Variants in CD2AP observed in about 807,000 individuals in gnomAD.
CD2AP encodes CD2 associated protein.
CD2AP carries 46 observed loss-of-function variants against 85.1 expected under a neutral mutation model. The observed-to-expected ratio is 0.54, with a 90% CI of 0.43 to 0.69. The LOEUF is 0.69. Ranked by LOEUF, CD2AP falls within the 30% of genes least tolerant of loss-of-function variation. The pLI is 0.00. For missense variants in CD2AP, 769 were observed against 729.5 expected (o/e 1.05, Z -0.62); for synonymous variants, 255 against 252.9 (o/e 1.01, Z -0.08).
chr6:47,497,925 A>G (rs772264955), intron 1 of CD2AP, among the ~76,000 whole-genome samples: 1 of 152,154 alleles, frequency 6.6e-6, no homozygotes, highest in Non-Finnish European at 1.5e-5. Flanking sequence ...TTTGTTCCTT[A>G]GATTTGTTGC....
Position 47,595,968 on chromosome 6 carries a change from G to A in CD2AP, c.1216G>A (p.Gly406Arg), listed in dbSNP as rs144590370. 1 of 1,612,576 alleles carries A rather than the reference G, an allele frequency of 6.2e-7. No individual in the cohort carries two copies. The highest frequency in any genetic ancestry group is 8.5e-7 in the Non-Finnish European group (1 of 1,179,034). ...TKASNLLRSS[G>R]TVYPKRPEKP... Reference sequence around the variant, plus strand: ...AGCCAGTAATTTACTGAGATCTTCTGGAACAGTGTACCCAAAGCGACCTGA... The same window carrying A: ...AGCCAGTAATTTACTGAGATCTTCTAGAACAGTGTACCCAAAGCGACCTGA... The change falls in exon 12 of 18, where the codon GGA becomes AGA. Residue 406 changes from glycine (G) to arginine (R), a missense_variant. By Grantham distance (125) the Gly-to-Arg change is moderately radical (BLOSUM62 -2). Transcript: ENST00000359314.
intron 4 of CD2AP, among the ~76,000 whole-genome samples, chr6:47,551,660 G>T (rs559542166): frequency 2.0e-5 from 3 of 152,174 alleles, no homozygotes; most frequent in African/African-American, 4.8e-5. Context: ...AAAGAATAAC[G>T]GTTGTATTAT....
At chr6:47,593,926 G>A (rs1483507071) in intron 11 of CD2AP, among the ~76,000 whole-genome samples, 1 of 152,060 alleles carries the variant, frequency 6.6e-6, no homozygotes, top group East Asian at 1.9e-4. Flanking sequence ...TTATATATGT[G>A]TGTGTGTATG....
At chr6:47,601,221 A>G (rs1257231255) in intron 13 of CD2AP, among the ~76,000 whole-genome samples, 1 of 151,946 alleles carries the variant, frequency 6.6e-6, no homozygotes, top group African/African-American at 2.4e-5. Flanking sequence ...TATCTTTTAT[A>G]CATAGCTGTT....
intron 2 of CD2AP, among the ~76,000 whole-genome samples, chr6:47,523,713 C>G (rs2114010201): frequency 6.6e-6 from 1 of 152,164 alleles, no homozygotes; most frequent in Admixed American, 6.5e-5. Context: ...ATACTTTATA[C>G]AGGTAATACT....
chr6:47,556,882 TC>T (rs1485761502), intron 5 of CD2AP, among the ~76,000 whole-genome samples: 1 of 152,192 alleles, frequency 6.6e-6, no homozygotes, highest in Non-Finnish European at 1.5e-5. Context: ...TAGTTCTAGA[TC>T]CTTGAGGAAT....
intron 1 of CD2AP, among the ~76,000 whole-genome samples, chr6:47,501,664 T>C (rs1766000846): frequency 6.7e-6 from 1 of 149,720 alleles, no homozygotes; most frequent in African/African-American, 2.5e-5. Flanking sequence ...TTGTGGTTGT[T>C]GGTGTGTGTG....
intron 4 of CD2AP, among the ~76,000 whole-genome samples, chr6:47,547,313 T>C (rs1331823769): frequency 2.6e-5 from 4 of 151,966 alleles, no homozygotes; most frequent in Non-Finnish European, 5.9e-5. Context: ...ACTTAACACA[T>C]AAGGAATCAT....
At chr6:47,621,833 T>C (rs1379490495) in intron 17 of CD2AP, among the ~76,000 whole-genome samples, 1 of 152,148 alleles carries the variant, frequency 6.6e-6, no homozygotes, top group Non-Finnish European at 1.5e-5. Flanking sequence ...ATGTGCATAA[T>C]GATGTTCATA....
At chr6:47,614,619 A>G (rs1769532249) in intron 17 of CD2AP, among the ~76,000 whole-genome samples, 1 of 152,228 alleles carries the variant, frequency 6.6e-6, no homozygotes, top group South Asian at 2.1e-4. Flanking sequence ...TATTGTGAAA[A>G]TTGTCAAAAT....
In CD2AP at chr6:47,503,401, A is replaced by G. The variant is rs747463684; in HGVS notation, c.126A>G (p.Leu42=). Residue 42 remains leucine, a synonymous_variant, in exon 2 of 18, where the codon CTA becomes CTG. Coordinates refer to ENST00000359314, the MANE Select transcript of CD2AP (RefSeq NM_012120.3). ...AGGAAGGGTGGCTGGAAGGAGAACT[A>G]AATGGGAGAAGAGGAATGTTCCCTG... is the stretch of plus-strand genomic sequence containing the variant. ...LQEEGWLEGE[L]NGRRGMFPDN... 20 of 1,613,946 alleles carry G rather than the reference A, an allele frequency of 1.2e-5. No homozygotes were observed. Among genetic ancestry groups the G allele is most frequent in the East Asian group, 2.2e-5 (1 of 44,816 alleles).
intron 6 of CD2AP, 114 bp downstream of exon 6, chr6:47,574,365 A>C (rs1768245633): frequency 4.0e-6 from 4 of 988,006 alleles, no homozygotes; most frequent in Non-Finnish European, 6.2e-6. Context: ...GATCACTAAT[A>C]ATTTGGTTAT....
chr6:47,593,201 T>C (rs1768849120), intron 11 of CD2AP, among the ~76,000 whole-genome samples: 1 of 152,152 alleles, frequency 6.6e-6, no homozygotes, highest in Non-Finnish European at 1.5e-5. Flanking sequence ...TTGTTCTTTT[T>C]AGACTATGTC....
chr6:47,506,343 T>C, intron 2 of CD2AP, among the ~76,000 whole-genome samples: 1 of 45,984 alleles, frequency 2.2e-5, no homozygotes, highest in East Asian at 3.3e-4. Flanking sequence ...GAGGAGCTCC[T>C]CACATCCCAG....
chr6:47,499,615 G>T (rs771412595), intron 1 of CD2AP, among the ~76,000 whole-genome samples: 1 of 152,040 alleles, frequency 6.6e-6, no homozygotes, highest in Non-Finnish European at 1.5e-5. Flanking sequence ...TCTCCTGGTA[G>T]TTTTCCAGTT....
At chr6:47,501,418 T>C (rs982878151) in intron 1 of CD2AP, among the ~76,000 whole-genome samples, 7 of 152,186 alleles carry the variant, frequency 4.6e-5, no homozygotes, top group Admixed American at 2.6e-4. Context: ...GCTGACCTGA[T>C]TGTACTTAGT....
chr6:47,506,987 G>A (rs1210153209), intron 2 of CD2AP, among the ~76,000 whole-genome samples: 1 of 152,186 alleles, frequency 6.6e-6, no homozygotes, highest in Non-Finnish European at 1.5e-5. Context: ...CAAAATTGTA[G>A]TCAGTCGTTT....
chr6:47,606,424 TAGAG>T (rs1044140690), intron 14 of CD2AP, 147 bp downstream of exon 14: 6 of 667,578 alleles, frequency 9.0e-6, no homozygotes, highest in East Asian at 5.5e-5. Context: ...TTTAAGGAGA[TAGAG>T]GGAGAGAGGT....
chr6:47,544,550 C>T, intron 3 of CD2AP, 56 bp from the exon 4 acceptor site: 1 of 1,120,540 alleles, frequency 8.9e-7, no homozygotes, highest in East Asian at 2.4e-5. Flanking sequence ...TGTAAATATA[C>T]TGTTTTTAAA....
Sources: allele counts gnomAD v4.1 joint callset (sites outside exome capture counted in the v4.1 genomes callset), GRCh38; gene constraint gnomAD v4.1.1; transcripts MANE v1.5; gene names NCBI Gene and HGNC (gene_info 2026-07-23, HGNC 2026-07-21).